KIF16B: variants seen among roughly 807,000 people sequenced by gnomAD.
The protein encoded by KIF16B is kinesin family member 16B.
In KIF16B, 98 loss-of-function variants were observed where a neutral mutation model predicts 156.3. The ratio of observed to expected loss-of-function variants is 0.63; its 90% confidence interval spans 0.53 to 0.74. The LOEUF is 0.74. KIF16B is among the 30% of genes least tolerant of loss of function. KIF16B has a pLI of 0.00. For missense variants in KIF16B, 1,421 were observed against 1,606.5 expected (o/e 0.88, Z 1.97); for synonymous variants, 564 against 583.7 (o/e 0.97, Z 0.49).
intron 25 of KIF16B, among the ~76,000 whole-genome samples, chr20:16,292,710 T>TA (rs1434169038): frequency 6.6e-6 from 1 of 151,492 alleles, no homozygotes; most frequent in Non-Finnish European, 1.5e-5. Flanking sequence ...CAGTGGTTCT[T>TA]AAAATACATG....
At chr20:16,450,441 A>C (rs1428278649) in intron 12 of KIF16B, among the ~76,000 whole-genome samples, 2 of 152,132 alleles carry the variant, frequency 1.3e-5, no homozygotes, top group Non-Finnish European at 2.9e-5. Context: ...TCTACCGCAA[A>C]AGCTTTCCCA....
chr20:16,378,093 T>A (rs2123395342), intron 19 of KIF16B, among the ~76,000 whole-genome samples: 1 of 152,286 alleles, frequency 6.6e-6, no homozygotes, highest in East Asian at 1.9e-4. Flanking sequence ...GTGGGAGAAG[T>A]ATTGATTTTT....
At chr20:16,510,427 G>A (rs2068921249) in intron 6 of KIF16B, among the ~76,000 whole-genome samples, 1 of 152,142 alleles carries the variant, frequency 6.6e-6, no homozygotes, top group Admixed American at 6.6e-5. Flanking sequence ...CGAGGCAGGT[G>A]GATCATGAGG....
At chr20:16,484,080 G>A (rs542612203) in intron 12 of KIF16B, among the ~76,000 whole-genome samples, 4 of 152,162 alleles carry the variant, frequency 2.6e-5, no homozygotes, top group African/African-American at 7.2e-5. Flanking sequence ...CACATGCCTC[G>A]CCGCAAAAGA....
chr20:16,442,368 A>G (rs2066826216), intron 12 of KIF16B, among the ~76,000 whole-genome samples: 1 of 151,308 alleles, frequency 6.6e-6, no homozygotes, highest in South Asian at 2.1e-4. Flanking sequence ...ATATATATAT[A>G]AAATAGGTGC....
At chr20:16,398,638 G>A (rs899879931) in intron 17 of KIF16B, among the ~76,000 whole-genome samples, 1 of 152,250 alleles carries the variant, frequency 6.6e-6, no homozygotes, top group African/African-American at 2.4e-5. Context: ...TTCTTTGGTA[G>A]TGATGGACGA....
chr20:16,515,517 AT>A, intron 4 of KIF16B, 30 bp downstream of exon 4: 4 of 1,164,270 alleles, frequency 3.4e-6, no homozygotes, highest in Non-Finnish European at 5.2e-6. Flanking sequence ...ATAATGAGAA[AT>A]TTCCTTCCCA....
chr20:16,299,216 A>G (rs2063435969), intron 25 of KIF16B, among the ~76,000 whole-genome samples: 1 of 151,980 alleles, frequency 6.6e-6, no homozygotes, highest in Non-Finnish European at 1.5e-5. Context: ...AAATAATCCC[A>G]TGTGTGCGTG....
At position 16,379,818 on chromosome 20, in the gene KIF16B, T is replaced by C; in HGVS notation, c.2184A>G (p.Gln728=). The C allele has an allele frequency of 6.2e-7, 1 of 1,614,238 alleles. No individual in the cohort carries two copies. The highest frequency in any genetic ancestry group is 1.1e-5 in the South Asian group (1 of 91,084). Reference sequence around the variant, plus strand: ...TTTCCTTTTGGAGCTGGTCCAGTTCTTGAAATATCTGAAACTTCTCAGCCT... The same window carrying C: ...TTTCCTTTTGGAGCTGGTCCAGTTCCTGAAATATCTGAAACTTCTCAGCCT... ...NEKAEKFQIF[Q]ELDQLQKEKD... The change falls in exon 19 of 26, where the codon CAA becomes CAG. Residue 728 remains glutamine (Q), a synonymous_variant. Transcript: ENST00000354981.
intron 12 of KIF16B, among the ~76,000 whole-genome samples, chr20:16,467,897 T>C (rs4814504): frequency 0.43 from 65,137 of 151,916 alleles, 13,942 homozygotes; most frequent in South Asian, 0.45. Flanking sequence ...GGAGAGAAAA[T>C]GGAATCATAT....
At chr20:16,277,960 T>C (rs529952524) in intron 25 of KIF16B, among the ~76,000 whole-genome samples, 43 of 152,328 alleles carry the variant, frequency 2.8e-4, no homozygotes, top group Non-Finnish European at 1.3e-4. Flanking sequence ...CTTTGTCAAA[T>C]GTCCTGTGTC....
At chr20:16,442,922 T>C (rs928228472) in intron 12 of KIF16B, among the ~76,000 whole-genome samples, 2 of 152,206 alleles carry the variant, frequency 1.3e-5, no homozygotes, top group Non-Finnish European at 2.9e-5. Flanking sequence ...AGACGTACAC[T>C]GCCCATGGCA....
chr20:16,410,437 A>G (rs1177424586), intron 15 of KIF16B, among the ~76,000 whole-genome samples: 1 of 151,690 alleles, frequency 6.6e-6, no homozygotes, highest in Non-Finnish European at 1.5e-5. Flanking sequence ...AGGGTTTTGG[A>G]GTTCTGATTA....
At chr20:16,466,426 CCCA>C (rs1271140282) in intron 12 of KIF16B, among the ~76,000 whole-genome samples, 2 of 152,202 alleles carry the variant, frequency 1.3e-5, no homozygotes, top group Admixed American at 6.5e-5. Flanking sequence ...TCCCATAATC[CCCA>C]CGTGTCGTGG....
chr20:16,314,117 CT>C (rs1379160387), intron 24 of KIF16B, among the ~76,000 whole-genome samples: 2 of 152,230 alleles, frequency 1.3e-5, no homozygotes, highest in African/African-American at 4.8e-5. Flanking sequence ...GGTCGTCCTT[CT>C]TAGCAATGCT....
In KIF16B at chr20:16,507,966, A is replaced by C; in HGVS notation, c.691T>G (p.Phe231Val). 6.2e-7 allele frequency: 1 copy of C among 1,614,102 alleles called. No homozygotes were observed. The change falls in exon 7 of 26, where the codon TTC (phenylalanine) becomes GTC (valine). Residue 231 changes from phenylalanine to valine, a missense_variant. Coordinates refer to ENST00000354981, the MANE Select transcript of KIF16B (RefSeq NM_024704.5). ...CCCGCAGCAGCCCTTACCTGAGTGA[A>C]CTTGATGGTGAAGATGGCATGAGAC... is the stretch of plus-strand genomic sequence containing the variant. ...SRSHAIFTIK[F>V]TQAKFDSEMP...
chr20:16,311,463 G>C (rs1050760870), intron 25 of KIF16B, among the ~76,000 whole-genome samples: 3 of 152,286 alleles, frequency 2.0e-5, no homozygotes, highest in African/African-American at 7.2e-5. Context: ...ACTCCAGCCT[G>C]GGCAACAGAG....
intron 15 of KIF16B, among the ~76,000 whole-genome samples, chr20:16,414,578 A>AAATC (rs1461267585): frequency 2.6e-5 from 4 of 152,156 alleles, no homozygotes; most frequent in Non-Finnish European, 4.4e-5. Context: ...AGAAGAAAGA[A>AAATC]AATTGATTTT....
At chr20:16,474,829 C>T (rs1213798294) in intron 12 of KIF16B, among the ~76,000 whole-genome samples, 27 of 152,314 alleles carry the variant, frequency 1.8e-4, no homozygotes, top group Non-Finnish European at 2.9e-5. Context: ...GAGACAACTT[C>T]TAACTGCCTT....
Sources: gnomAD v4.1 joint callset for allele counts (sites outside exome capture counted in the v4.1 genomes callset) on GRCh38, gnomAD v4.1.1 for gene constraint, MANE v1.5 for transcripts, NCBI Gene and HGNC (gene_info 2026-07-23, HGNC 2026-07-21) for gene names.